Variants in COL17A1 observed in about 807,000 individuals in gnomAD.
COL17A1 encodes the protein collagen type XVII alpha 1 chain, also known as collagen alpha-1(XVII) chain.
A neutral mutation model predicts 218.4 loss-of-function variants in COL17A1; 181 were observed. The ratio of observed to expected loss-of-function variants is 0.83; its 90% CI spans 0.73 to 0.94. The LOEUF is 0.94. COL17A1 is among the 40% of genes least tolerant of loss of function. The pLI, the probability that COL17A1 is intolerant of heterozygous loss-of-function variation, is 0.00. For missense variants in COL17A1, 1,924 were observed against 1,945.9 expected, an observed-to-expected ratio of 0.99 and a Z score of 0.21; for synonymous variants, 721 against 731.0, an observed-to-expected ratio of 0.99 and a Z score of 0.22.
intron 39 of COL17A1, among the ~76,000 whole-genome samples, 169 bp downstream of exon 39, chr10:104,040,896 G>A (rs2086352798): frequency 6.6e-6 from 1 of 152,142 alleles, no homozygotes; most frequent in African/African-American, 2.4e-5. Flanking sequence ...GGTTGACATG[G>A]TTATTCCCTC....
intron 1 of COL17A1, 54 bp from the exon 2 acceptor site, chr10:104,080,738 T>C: frequency 6.3e-7 from 1 of 1,580,336 alleles, no homozygotes; most frequent in Admixed American, 1.7e-5. Flanking sequence ...TTTTTAGTAA[T>C]TATAGGTCCC....
Position 104,052,141 on chromosome 10 carries a change from C to T in COL17A1, c.2002+14G>A, listed in dbSNP as rs774650935. 6.2e-7 allele frequency: 1 copy of T among 1,614,140 alleles called. No homozygotes were observed. The highest frequency in any genetic ancestry group is 8.5e-7 in the Non-Finnish European group (1 of 1,179,998). ...TCTGGAAAACTTTGATTCCTTCCTG[C>T]ACACTGGACTTACCTTTGGGACCCA... On this transcript the variant is annotated intron_variant, in intron 24 of 55. Coordinates refer to ENST00000648076, the MANE Select transcript of COL17A1 (RefSeq NM_000494.4).
intron 1 of COL17A1, among the ~76,000 whole-genome samples, chr10:104,082,671 G>A (rs1305323147): frequency 5.3e-5 from 8 of 152,198 alleles, no homozygotes; most frequent in South Asian, 2.1e-4. Flanking sequence ...TTGGCCGGAA[G>A]GGTTCGACTT....
intron 34 of COL17A1, 81 bp from the exon 35 acceptor site, chr10:104,043,662 G>T (rs977305447): frequency 2.6e-6 from 4 of 1,529,714 alleles, no homozygotes; most frequent in Non-Finnish European, 3.6e-6. Flanking sequence ...GTTGTGGTGG[G>T]CAGCCTGGCA....
At chr10:104,034,841 G>A (rs2086259642) in intron 50 of COL17A1, 74 bp from the exon 51 acceptor site, 2 of 1,570,166 alleles carry the variant, frequency 1.3e-6, no homozygotes, top group South Asian at 1.2e-5. Flanking sequence ...TGTGCTCGGG[G>A]CGCTGTGGGC....
At chr10:104,037,363 A>G (rs1015027163) in intron 46 of COL17A1, among the ~76,000 whole-genome samples, 7 of 151,710 alleles carry the variant, frequency 4.6e-5, no homozygotes, top group African/African-American at 9.7e-5. Flanking sequence ...GATGCTGCCA[A>G]CCTTCATGCA....
At chr10:104,035,887 A>AGGGT (rs2086279577) in intron 48 of COL17A1, among the ~76,000 whole-genome samples, 1 of 128,150 alleles carries the variant, frequency 7.8e-6, no homozygotes, top group Non-Finnish European at 1.6e-5. Flanking sequence ...TGAGTACTGG[A>AGGGT]GTGTATGGGA....
chr10:104,060,384 G>A, intron 13 of COL17A1, 104 bp from the exon 14 acceptor site: 1 of 1,471,580 alleles, frequency 6.8e-7, no homozygotes, highest in Non-Finnish European at 9.3e-7. Context: ...GGAGGAGGGA[G>A]GTAAATTAGC....
At chr10:104,037,009 A>G (rs759462460) in intron 47 of COL17A1, 36 bp downstream of exon 47, 6 of 1,567,680 alleles carry the variant, frequency 3.8e-6, no homozygotes, top group Non-Finnish European at 5.2e-6. Context: ...GAAAGCAAAG[A>G]TAGTCCCACC....
At position 104,032,284 on chromosome 10, in the gene COL17A1, T is replaced by C; in HGVS notation, c.4445A>G (p.Gln1482Arg). Residue 1482 changes from glutamine to arginine, a missense_variant, in exon 56 of 56, where the codon CAA (glutamine) becomes CGA (arginine). Transcript: ENST00000648076. ...TCTCCTTCTCCGCCCAGCATAGACT[T>C]GGTCACCTGAAAGTTAGAAGATCAG... ...HKGEKGDKGD[Q>R]VYAGRRRRRS... 1.2e-6 allele frequency: 2 copies of C among 1,614,020 alleles called. No homozygotes were observed. The highest frequency in any genetic ancestry group is 1.1e-5 in the South Asian group (1 of 91,084).
Position 104,064,593 on chromosome 10 carries a change from G to A in COL17A1, c.611C>T (p.Ser204Leu). 6.2e-7 allele frequency: 1 copy of A among 1,612,324 alleles called. No individual in the cohort carries two copies. Residue 204 changes from serine to leucine, a missense_variant, in exon 10 of 56, where the codon TCA (serine) becomes TTA (leucine). Ser to Leu is a moderately radical substitution (Grantham distance 145). Coordinates refer to ENST00000648076, the MANE Select transcript of COL17A1 (RefSeq NM_000494.4). ...CAGGATCGTTGCATCGTAGGTGCCT[G>A]ACACTGGAAACAGACACATGCACAC... ...KIVTASSQSV[S>L]GTYDATILDA... is the part of the protein sequence containing the mutation.
At chr10:104,067,356 A>AAAAAAC (rs2086635264) in intron 9 of COL17A1, among the ~76,000 whole-genome samples, 1 of 148,532 alleles carries the variant, frequency 6.7e-6, no homozygotes, top group Non-Finnish European at 1.5e-5. Context: ...AAAAAAAAAA[A>AAAAAAC]AATCAGGATT....
intron 5 of COL17A1, among the ~76,000 whole-genome samples, chr10:104,075,844 A>G (rs2086705515): frequency 6.6e-6 from 1 of 152,180 alleles, no homozygotes; most frequent in African/African-American, 2.4e-5. Flanking sequence ...TTGGGTATCA[A>G]ACTCTTACTC....
intron 22 of COL17A1, 101 bp from the exon 23 acceptor site, chr10:104,053,236 C>T: frequency 7.6e-7 from 1 of 1,322,056 alleles, no homozygotes; most frequent in Non-Finnish European, 1.1e-6. Context: ...GAGCCCTTCC[C>T]TGGCCTCCCT....
intron 9 of COL17A1, among the ~76,000 whole-genome samples, chr10:104,067,330 G>C (rs2086634375): frequency 2.8e-5 from 1 of 35,342 alleles, no homozygotes; most frequent in Admixed American, 5.3e-4. Context: ...CAGAGGCTCA[G>C]GAATAAAAAA....
At chr10:104,075,649 A>T (rs1178766481) in intron 5 of COL17A1, among the ~76,000 whole-genome samples, 1 of 151,624 alleles carries the variant, frequency 6.6e-6, no homozygotes, top group East Asian at 1.9e-4. Context: ...TTTGCTAAAA[A>T]CTCTCTGTGG....
At chr10:104,074,371 C>A (rs1175187813) in intron 5 of COL17A1, 140 bp from the exon 6 acceptor site, 47 of 1,238,036 alleles carry the variant, frequency 3.8e-5, no homozygotes, top group Middle Eastern at 5.2e-4. Context: ...TGCTCTTCAG[C>A]ATGCATGTCA....
intron 9 of COL17A1, among the ~76,000 whole-genome samples, chr10:104,065,734 G>C (rs114070677): frequency 0.011 from 1,615 of 152,334 alleles, 33 homozygotes; most frequent in African/African-American, 0.037. Flanking sequence ...CCAGCCAGGG[G>C]TAGGATAGGT....
In COL17A1 at chr10:104,033,228, A is replaced by G. The variant is rs1276196562; in HGVS notation, c.4294+10T>C. On this transcript the variant is annotated intron_variant, in intron 53 of 55. Coordinates refer to ENST00000648076, the MANE Select transcript of COL17A1 (RefSeq NM_000494.4). ...AGGCAGGTGCTGGGAAAGCAGTTGG[A>G]TGCCCTTACTTTGGAAGAAGTCCAT... The G allele has an allele frequency of 6.3e-7, 1 of 1,580,088 alleles. No individual in the cohort carries two copies.
Sources: allele counts gnomAD v4.1 joint callset (sites outside exome capture counted in the v4.1 genomes callset), GRCh38; gene constraint gnomAD v4.1.1; transcripts MANE v1.5; gene names NCBI Gene and HGNC (gene_info 2026-07-23, HGNC 2026-07-21).